Variants in NPC1L1 observed in about 807,000 individuals in gnomAD.
The protein encoded by NPC1L1 is NPC1 like intracellular cholesterol transporter 1, also known as NPC1-like intracellular cholesterol transporter 1.
In NPC1L1, 98 loss-of-function variants were observed where a neutral mutation model predicts 117.0. The observed-to-expected ratio is 0.84, with a 90% confidence interval of 0.71 to 0.99. The LOEUF is 0.99. Ranked by LOEUF, NPC1L1 falls within the 50% of genes least tolerant of loss-of-function variation. The pLI, the probability that NPC1L1 is intolerant of heterozygous loss-of-function variation, is 0.00. For synonymous variants in NPC1L1, 729 were observed against 727.6 expected (o/e 1.00, Z -0.03); for missense variants, 1,540 against 1,710.0 (o/e 0.90, Z 1.75).
chr7:44,536,147 C>A lies in NPC1L1; in HGVS notation c.1854+109G>T, dbSNP rs1371564812. ...CAATCACCCCGTTCTGAGCAGGCAGCCACTGCCCAGGGTCACTTAGGAAGG... is the reference window on the plus strand; with the variant it reads ...CAATCACCCCGTTCTGAGCAGGCAGACACTGCCCAGGGTCACTTAGGAAGG... On this transcript the variant is annotated intron_variant, in intron 4 of 18. Transcript: ENST00000381160. The surrounding 1 kb of genome is among the most constrained non-coding windows in gnomAD (Gnocchi z 4.7). The A allele has an allele frequency of 3.9e-6, 6 of 1,557,262 alleles. No homozygotes were observed. Among genetic ancestry groups the A allele is most frequent in the Non-Finnish European group, 5.3e-6 (6 of 1,131,470 alleles).
intron 10 of NPC1L1, among the ~76,000 whole-genome samples, chr7:44,523,598 G>A (rs1392049643): frequency 6.6e-6 from 1 of 152,132 alleles, no homozygotes; most frequent in African/African-American, 2.4e-5. Context: ...GGGCATGATG[G>A]CTTACACTTG....
At position 44,533,463 on chromosome 7, in the gene NPC1L1, C is replaced by T. The variant is rs1801763213; in HGVS notation, c.2377G>A (p.Ala793Thr). The stretch of plus-strand genomic sequence containing the variant: ...CTCTTGCTGTCCAGGGAGAGCAGGG[C>T]CACAAAGGCTGACATCTGCAGGAGG... ...DFLLQMSAFV[A>T]LLSLDSKRQE... Residue 793 changes from alanine (A) to threonine (T), a missense_variant, in exon 8 of 19, where the codon GCC becomes ACC. Around this residue, in one of 3 missense-constraint regions of NPC1L1, gnomAD observed 742 missense variants for 873.6 expected, o/e 0.85. Transcript: ENST00000381160. 6.2e-7 allele frequency: 1 copy of T among 1,614,050 alleles called. No individual in the cohort carries two copies. The highest frequency in any genetic ancestry group is 8.5e-7 in the Non-Finnish European group (1 of 1,179,966).
rs1801965386 is a variant in NPC1L1 at position 44,538,385 on chromosome 7, C to G, written c.1580+432G>C. On this transcript the variant is annotated intron_variant, in intron 2 of 18. Transcript: ENST00000381160. This position sits in a 1 kb window ranked among gnomAD's most constrained non-coding sequence, Gnocchi z 5.9. Reference sequence around the variant, plus strand: ...GACCTCTGGCCTGAGGGCACCTTTTCCAATGCATACCATGGTACCTCATGG... The same window carrying G: ...GACCTCTGGCCTGAGGGCACCTTTTGCAATGCATACCATGGTACCTCATGG... 6.6e-6 allele frequency among the ~76,000 whole-genome samples: 1 copy of G among 152,238 alleles called. No individual in the cohort carries two copies. The highest frequency in any genetic ancestry group is 2.4e-5 in the African/African-American group (1 of 41,456).
chr7:44,539,173 G>T lies in NPC1L1; in HGVS notation c.1224C>A (p.Asn408Lys). The change falls in exon 2 of 19, where the codon AAC becomes AAA. Residue 408 changes from asparagine to lysine, a missense_variant. By Grantham distance (94) the Asn-to-Lys change is moderately conservative. This residue lies in a region of NPC1L1 where 793 missense variants were observed against 820.4 expected (regional missense o/e 0.97). Coordinates refer to ENST00000381160, the MANE Select transcript of NPC1L1 (RefSeq NM_001101648.2). This position sits in a 1 kb window ranked among gnomAD's most constrained non-coding sequence, Gnocchi z 4.4. ...DQHFGPFFRT[N>K]QVILTAPNRS... ...GGTTAGGAGCCGTCAGGATCACCTG[G>T]TTGGTTCGGAAGAAGGGGCCGAAAT... 1 of 1,614,130 alleles carries T rather than the reference G, an allele frequency of 6.2e-7. No homozygotes were observed. The highest frequency in any genetic ancestry group is 8.5e-7 in the Non-Finnish European group (1 of 1,180,034).
intron 14 of NPC1L1, 96 bp downstream of exon 14, chr7:44,520,669 A>C: frequency 9.4e-7 from 1 of 1,059,754 alleles, no homozygotes; most frequent in Admixed American, 1.7e-5. Context: ...CTGACAAAGG[A>C]GGGAGACAAC....
intron 1 of NPC1L1, 66 bp downstream of exon 1, chr7:44,541,140 C>G: frequency 6.6e-7 from 1 of 1,516,688 alleles, no homozygotes; most frequent in Non-Finnish European, 8.9e-7. Context: ...TCGCCTGGTA[C>G]ACGGCTGGCC....
At chr7:44,518,852 T>C (rs1263907523) in intron 14 of NPC1L1, among the ~76,000 whole-genome samples, 1 of 152,000 alleles carries the variant, frequency 6.6e-6, no homozygotes, top group Admixed American at 6.6e-5. Context: ...TGGAGGGTAG[T>C]TCACACACAA....
Position 44,536,849 on chromosome 7 carries a change from C to T in NPC1L1, c.1674G>A (p.Gly558=), listed in dbSNP as rs200935004. ...AGGGCCCACTTAGCTTACCTTTGTACCCCCCAATGGCAAGGAAGGGGAAGA... is the reference window on the plus strand; with the variant it reads ...AGGGCCCACTTAGCTTACCTTTGTATCCCCCAATGGCAAGGAAGGGGAAGA... ...APVFPFLAIG[G]YKGKDYSEAE... The change falls in exon 3 of 19, where the codon GGG becomes GGA. Residue 558 remains glycine, a synonymous_variant. Coordinates refer to ENST00000381160, the MANE Select transcript of NPC1L1 (RefSeq NM_001101648.2). This position sits in a 1 kb window ranked among gnomAD's most constrained non-coding sequence, Gnocchi z 4.7. 1.2e-6 allele frequency: 2 copies of T among 1,612,216 alleles called. No individual in the cohort carries two copies. Among genetic ancestry groups the T allele is most frequent in the Non-Finnish European group, 8.5e-7 (1 of 1,178,286 alleles).
intron 14 of NPC1L1, among the ~76,000 whole-genome samples, chr7:44,518,853 T>C (rs1029200653): frequency 2.6e-5 from 4 of 152,046 alleles, no homozygotes; most frequent in African/African-American, 9.7e-5. Context: ...GGAGGGTAGT[T>C]CACACACAAA....
intron 18 of NPC1L1, 31 bp downstream of exon 18, chr7:44,515,772 C>T (rs377344383): frequency 9.0e-5 from 146 of 1,613,746 alleles, no homozygotes; most frequent in Non-Finnish European, 1.1e-4. Flanking sequence ...ATAATCATGA[C>T]AGTCTGGTAG....
chr7:44,531,633 T>C, intron 10 of NPC1L1, 122 bp downstream of exon 10: 8 of 811,182 alleles, frequency 9.9e-6, no homozygotes, highest in Non-Finnish European at 1.6e-5. Context: ...TCCAGAGTAA[T>C]GAACAATTCT....
chr7:44,532,168 G>A lies in NPC1L1; in HGVS notation c.2459C>T (p.Pro820Leu), dbSNP rs151211428. The A allele has an allele frequency of 4.6e-5, 75 of 1,613,938 alleles. No homozygotes were observed. The highest frequency in any genetic ancestry group is 3.3e-4 in the Middle Eastern group (2 of 6,062). The change falls in exon 9 of 19, where the codon CCG becomes CTG. Residue 820 changes from proline to leucine, a missense_variant. Pro to Leu is a moderately conservative substitution (Grantham distance 98, BLOSUM62 -3). Transcript: ENST00000381160. ...CAGGAGCCCCTCTCCCTGGCCAGGC[G>A]GGGGCAGCTCCTGGGGCTTGACACA... ...CCCVKPQELP[P>L]PGQGEGLLLG...
chr7:44,536,898 C>T lies in NPC1L1; in HGVS notation c.1625G>A (p.Cys542Tyr), dbSNP rs1215991514. The T allele has an allele frequency of 6.2e-7, 1 of 1,614,086 alleles. No individual in the cohort carries two copies. Among genetic ancestry groups the T allele is most frequent in the Non-Finnish European group, 8.5e-7 (1 of 1,179,990 alleles). The change falls in exon 3 of 19, where the codon TGC (cysteine) becomes TAC (tyrosine). Residue 542 changes from cysteine to tyrosine, a missense_variant. Physicochemically the swap from Cys to Tyr is radical, Grantham distance 194 (BLOSUM62 -2). This residue lies in a region of NPC1L1 where 793 missense variants were observed against 820.4 expected (regional missense o/e 0.97). Coordinates refer to ENST00000381160, the MANE Select transcript of NPC1L1 (RefSeq NM_001101648.2). This position sits in a 1 kb window ranked among gnomAD's most constrained non-coding sequence, Gnocchi z 4.7. ...GACAGGGGCCCCGTAGTCAGCCATGCAGCTCAGGGCCAGGGCTGTGCCATC... is the reference window on the plus strand; with the variant it reads ...GACAGGGGCCCCGTAGTCAGCCATGTAGCTCAGGGCCAGGGCTGTGCCATC... Reference protein sequence around the residue: ...FKDGTALALSCMADYGAPVFP... With the variant: ...FKDGTALALSYMADYGAPVFP...
rs1585149663 is a variant in NPC1L1, at chr7:44,537,003, C to G, written c.1581-61G>C. ...CCTGGCCCTGCCCAGTCCCTATGGC[C>G]CCTCCCTTCCCCTCCCACCCCAGAC... On this transcript the variant is annotated intron_variant, in intron 2 of 18. Coordinates refer to ENST00000381160, the MANE Select transcript of NPC1L1 (RefSeq NM_001101648.2). 37 of 1,308,312 alleles carry G rather than the reference C, an allele frequency of 2.8e-5. No homozygotes were observed. In the East Asian group the frequency reaches 9.1e-4, roughly 32 times the overall value. The allele number at this position is 1,308,312 out of a possible 1,614,324, so 81.0% of individuals were successfully genotyped here.
In NPC1L1 at chr7:44,515,857, G is replaced by C. The variant is rs1327177167; in HGVS notation, c.3742C>G (p.Leu1248Val). The C allele has an allele frequency of 1.2e-6, 2 of 1,614,076 alleles. No individual in the cohort carries two copies. The highest frequency in any genetic ancestry group is 1.7e-6 in the Non-Finnish European group (2 of 1,180,040). ...ACCAAGCCATGCAGCAGGCCCAGCA[G>C]AGTGATCAGGAGGTTGAGGCGGAAG... ...FFFRLNLLIT[L>V]LGLLHGLVFL... Residue 1248 changes from leucine to valine, a missense_variant, in exon 18 of 19, where the codon CTG (leucine) becomes GTG (valine). Leu to Val is a conservative substitution (Grantham distance 32, BLOSUM62 1). This residue lies in a region of NPC1L1 where 742 missense variants were observed against 873.6 expected (regional missense o/e 0.85). Transcript: ENST00000381160.
chr7:44,520,892 C>A (rs1801332682), intron 13 of NPC1L1, 72 bp from the exon 14 acceptor site: 40 of 1,611,266 alleles, frequency 2.5e-5, no homozygotes, highest in Non-Finnish European at 3.2e-5. Flanking sequence ...ACAGCCACCC[C>A]AGAGAGGCCC....
rs754960232 is a variant in NPC1L1 at position 44,513,592 on chromosome 7, G to A, written c.3854C>T (p.Ala1285Val). 1 of 1,613,802 alleles carries A rather than the reference G, an allele frequency of 6.2e-7. No individual in the cohort carries two copies. The highest frequency in any genetic ancestry group is 1.3e-5 in the African/African-American group (1 of 74,918). Residue 1285 changes from alanine to valine, a missense_variant, in exon 19 of 19, where the codon GCA becomes GTA. By Grantham distance (64) the Ala-to-Val change is moderately conservative. Transcript: ENST00000381160. ...LEQKRAEEAV[A>V]AVMVASCPNH... The stretch of plus-strand genomic sequence containing the variant: ...TGGGCAAGAGGCCACCATGACTGCT[G>A]CCACCGCCTCCTCAGCCCGCTTCTG...
chr7:44,533,729 C>T lies in NPC1L1; in HGVS notation c.2281+10G>A. 1 of 1,613,656 alleles carries T rather than the reference C, an allele frequency of 6.2e-7. No homozygotes were observed. Among genetic ancestry groups the T allele is most frequent in the Non-Finnish European group, 8.5e-7 (1 of 1,179,698 alleles). ...CTAATGCCGAGTGGGGAGGTCTCAC[C>T]CAGGCTCACCTAGGAAGAAGCAGAT... is the stretch of plus-strand genomic sequence containing the variant. On this transcript the variant is annotated intron_variant, in intron 7 of 18. Transcript: ENST00000381160.
rs1021273317 is a variant in NPC1L1 at position 44,513,563 on chromosome 7, G to A, written c.3883C>T (p.His1295Tyr). ...TCAGCTGTGGAGACTCGGGAGGGGT[G>A]ATTTGGGCAAGAGGCCACCATGACT... ...AAVMVASCPN[H>Y]PSRVSTADNI... The change falls in exon 19 of 19, where the codon CAC becomes TAC. Residue 1295 changes from histidine to tyrosine, a missense_variant. This residue lies in a region of NPC1L1 where 742 missense variants were observed against 873.6 expected (regional missense o/e 0.85). Coordinates refer to ENST00000381160, the MANE Select transcript of NPC1L1 (RefSeq NM_001101648.2). 2.5e-6 allele frequency: 4 copies of A among 1,614,062 alleles called. No individual in the cohort carries two copies. Among genetic ancestry groups the A allele is most frequent in the South Asian group, 2.2e-5 (2 of 91,078 alleles).
Sources: gnomAD v4.1 joint callset for allele counts (sites outside exome capture counted in the v4.1 genomes callset) on GRCh38, gnomAD v4.1.1 for gene constraint, gnomAD v4.1.1 regional missense constraint, Gnocchi (gnomAD v3.1) non-coding constraint, MANE v1.5 for transcripts, NCBI Gene and HGNC (gene_info 2026-07-23, HGNC 2026-07-21) for gene names.